The following LRIT3 variants were observed in gnomAD, a reference collection of about 807,000 sequenced individuals.
LRIT3 encodes the protein leucine rich repeat, Ig-like and transmembrane domains 3.
In LRIT3, 14 loss-of-function variants were observed where a neutral mutation model predicts 22.6. The observed-to-expected ratio is 0.62, with a 90% CI of 0.41 to 0.97. LRIT3 has a LOEUF of 0.97. Ranked by LOEUF, LRIT3 falls within the 50% of genes least tolerant of loss-of-function variation. The pLI, the probability that LRIT3 is intolerant of heterozygous loss-of-function variation, is 0.00. For missense variants in LRIT3, 783 were observed against 803.0 expected, an observed-to-expected ratio of 0.98 and a Z score of 0.30; for synonymous variants, 306 against 304.5, an observed-to-expected ratio of 1.01 and a Z score of -0.05.
chr4:109,853,675 A>G (rs1481913260), intron 2 of LRIT3, among the ~76,000 whole-genome samples: 2 of 152,190 alleles, frequency 1.3e-5, no homozygotes, highest in East Asian at 1.9e-4. Context: ...ACCCATGCCT[A>G]TGTCCTGAAT....
chr4:109,849,433 A>T (rs1199582819), intron 1 of LRIT3, among the ~76,000 whole-genome samples: 1 of 152,350 alleles, frequency 6.6e-6, no homozygotes, highest in East Asian at 1.9e-4. Flanking sequence ...CCTGGCAAGA[A>T]ATAATCTAGT....
chr4:109,848,514 T>C (rs1245275899), intron 1 of LRIT3, among the ~76,000 whole-genome samples, 197 bp downstream of exon 1: 1 of 152,206 alleles, frequency 6.6e-6, no homozygotes, highest in Non-Finnish European at 1.5e-5. Context: ...GCAGTTTAAC[T>C]CTCAAAGGCC....
chr4:109,863,121 G>A (rs1734588872), intron 2 of LRIT3, among the ~76,000 whole-genome samples: 1 of 152,178 alleles, frequency 6.6e-6, no homozygotes, highest in Admixed American at 6.5e-5. Context: ...TGGGATGTAG[G>A]ATTCTAAGCC....
At chr4:109,863,417 T>A (rs1734597512) in intron 2 of LRIT3, among the ~76,000 whole-genome samples, 1 of 152,178 alleles carries the variant, frequency 6.6e-6, no homozygotes, top group Non-Finnish European at 1.5e-5. Flanking sequence ...GTACTACCTA[T>A]CCCATGCTTT....
intron 2 of LRIT3, among the ~76,000 whole-genome samples, chr4:109,863,654 A>G (rs1308716011): frequency 6.6e-6 from 1 of 152,232 alleles, no homozygotes; most frequent in Non-Finnish European, 1.5e-5. Context: ...ACTACCCAGT[A>G]TAATAAAGAT....
At chr4:109,848,359 A>G in intron 1 of LRIT3, 42 bp downstream of exon 1, 1 of 1,084,776 alleles carries the variant, frequency 9.2e-7, no homozygotes, top group Non-Finnish European at 1.2e-6. Flanking sequence ...CATTATTTTG[A>G]CAAAAAGGAC....
chr4:109,863,129 G>A (rs1254641958), intron 2 of LRIT3, among the ~76,000 whole-genome samples: 1 of 152,200 alleles, frequency 6.6e-6, no homozygotes, highest in Admixed American at 6.5e-5. Flanking sequence ...AGGATTCTAA[G>A]CCATTTACAA....
chr4:109,859,626 C>A (rs1473404990), intron 2 of LRIT3, among the ~76,000 whole-genome samples: 1 of 152,154 alleles, frequency 6.6e-6, no homozygotes, highest in Non-Finnish European at 1.5e-5. Context: ...GTGTTTATAG[C>A]CCTATCTTAT....
chr4:109,850,419 C>CCTCT (rs1734203168), intron 1 of LRIT3, among the ~76,000 whole-genome samples: 12 of 16,700 alleles, frequency 7.2e-4, no homozygotes, highest in African/African-American at 2.9e-3. Context: ...TCCTTCCTTC[C>CCTCT]TTCCTTTCTT....
rs755646399 is a variant in LRIT3 at position 109,870,709 on chromosome 4, T to G, written c.1960T>G (p.Leu654Val). ...TRSHRDDSEK[L>V]LLCSRSSVES... Reference sequence around the variant, plus strand: ...AAGCCACAGGGATGACTCAGAGAAATTGCTGCTTTGTTCTAGGTCAAGTGT... The same window carrying G: ...AAGCCACAGGGATGACTCAGAGAAAGTGCTGCTTTGTTCTAGGTCAAGTGT... Residue 654 changes from leucine to valine, a missense_variant, in exon 4 of 4, where the codon TTG (leucine) becomes GTG (valine). This residue lies in a region of LRIT3 where 756 missense variants were observed against 753.8 expected (regional missense o/e 1.00). Transcript: ENST00000594814. 4 of 1,613,976 alleles carry G rather than the reference T, an allele frequency of 2.5e-6. No individual in the cohort carries two copies. In the African/African-American group the frequency reaches 4.0e-5, roughly 16 times the overall value.
rs541073814 is a variant in LRIT3, at chr4:109,861,808, T to C, written c.590-5833T>C. On this transcript the variant is annotated intron_variant, in intron 2 of 3. Transcript: ENST00000594814. ...TTTGATGACATTTGATTCATTAGTT[T>C]TTTCCTTTTACAGTTAGTGCTTTCT... 8.3e-4 allele frequency among the ~76,000 whole-genome samples: 127 copies of C among 152,348 alleles called. 3 individuals are homozygous for C. The South Asian group carries it at 0.026, about 31-fold the overall frequency.
chr4:109,859,202 G>A (rs928435394), intron 2 of LRIT3, among the ~76,000 whole-genome samples: 2 of 152,116 alleles, frequency 1.3e-5, no homozygotes, highest in Non-Finnish European at 2.9e-5. Flanking sequence ...ACCACCTTCT[G>A]GTCCCACGGT....
chr4:109,855,662 C>G (rs1734382409), intron 2 of LRIT3, among the ~76,000 whole-genome samples: 1 of 152,140 alleles, frequency 6.6e-6, no homozygotes, highest in Non-Finnish European at 1.5e-5. Context: ...TTCCTGCTTT[C>G]TCTTGTGGGC....
intron 1 of LRIT3, among the ~76,000 whole-genome samples, chr4:109,849,705 C>T (rs925004076): frequency 1.8e-4 from 27 of 152,170 alleles, no homozygotes. Context: ...CTCCATCTCC[C>T]GGGCTCAAGC....
chr4:109,857,959 G>A (rs1364837723), intron 2 of LRIT3, among the ~76,000 whole-genome samples: 5 of 152,202 alleles, frequency 3.3e-5, no homozygotes, highest in African/African-American at 1.2e-4. Context: ...TCCTAAAGGA[G>A]GGACAGAGTG....
chr4:109,854,942 G>T (rs1164559161), intron 2 of LRIT3, among the ~76,000 whole-genome samples: 3 of 152,150 alleles, frequency 2.0e-5, no homozygotes, highest in African/African-American at 2.4e-5. Context: ...TGGTGGATAA[G>T]CTTTTTGATG....
intron 1 of LRIT3, among the ~76,000 whole-genome samples, chr4:109,849,858 G>T (rs1734167445): frequency 6.6e-6 from 1 of 151,960 alleles, no homozygotes; most frequent in African/African-American, 2.4e-5. Context: ...GGTAATCCAC[G>T]CACCTCGGCC....
At chr4:109,850,418 C>CTTTCTTTCTTT (rs1491056843) in intron 1 of LRIT3, among the ~76,000 whole-genome samples, 1,882 of 28,192 alleles carry the variant, frequency 0.067, 304 homozygotes, top group Middle Eastern at 0.12. Flanking sequence ...TTCCTTCCTT[C>CTTTCTTTCTTT]CTTCCTTTCT....
chr4:109,851,798 C>T lies in LRIT3; in HGVS notation c.411C>T (p.His137=). The T allele has an allele frequency of 2.6e-6, 4 of 1,551,786 alleles. No homozygotes were observed. Among genetic ancestry groups the T allele is most frequent in the Non-Finnish European group, 3.5e-6 (4 of 1,147,028 alleles). ...CCCTTCTGAGGACCCTGGACTTGCA[C>T]AATAACAAAATAACCAGTGTGCCAA... ...DMPLLRTLDL[H]NNKITSVPNE... Residue 137 remains histidine, a synonymous_variant, in exon 2 of 4, where the codon CAC becomes CAT. Coordinates refer to ENST00000594814, the MANE Select transcript of LRIT3 (RefSeq NM_198506.5).
Sources: allele counts gnomAD v4.1 joint callset (sites outside exome capture counted in the v4.1 genomes callset), GRCh38; gene constraint gnomAD v4.1.1; regional missense constraint gnomAD v4.1.1; transcripts MANE v1.5; gene names NCBI Gene and HGNC (gene_info 2026-07-23, HGNC 2026-07-21).